OR51B5: variants seen among roughly 807,000 people sequenced by gnomAD.
OR51B5 encodes olfactory receptor 51B5.
For synonymous variants in OR51B5, 186 were observed against 144.8 expected (o/e 1.28, Z -2.04); for missense variants, 456 against 374.6 (o/e 1.22, Z -1.79).
intron 1 of OR51B5, among the ~76,000 whole-genome samples, chr11:5,426,771 T>C (rs964451894): frequency 6.6e-6 from 1 of 152,132 alleles, no homozygotes; most frequent in African/African-American, 2.4e-5. Context: ...CCCTTTCTTA[T>C]CTGAAGTTCC....
intron 1 of OR51B5, among the ~76,000 whole-genome samples, chr11:5,475,925 C>T (rs1851299118): frequency 6.6e-6 from 1 of 152,158 alleles, no homozygotes; most frequent in African/African-American, 2.4e-5. Flanking sequence ...TATCTAGATC[C>T]ATAGCAGCCT....
chr11:5,342,106 G>A (rs548841904), downstream of OR51B5, among the ~76,000 whole-genome samples: 32 of 152,202 alleles, frequency 2.1e-4, no homozygotes, highest in South Asian at 4.2e-4. Context: ...AAAATTCCTG[G>A]ACTTCAGTGA....
intron 1 of OR51B5, chr11:5,441,049 T>G (rs1296966788): frequency 1.2e-6 from 2 of 1,613,896 alleles, no homozygotes; most frequent in Admixed American, 3.3e-5. Context: ...AAGAGAGTGG[T>G]GAAACTCTTG....
chr11:5,413,782 G>C (rs1468982790), intron 1 of OR51B5, among the ~76,000 whole-genome samples: 1 of 151,926 alleles, frequency 6.6e-6, no homozygotes, highest in Non-Finnish European at 1.5e-5. Context: ...ATGGGACTAT[G>C]TGAAAAGACC....
intron 1 of OR51B5, among the ~76,000 whole-genome samples, chr11:5,373,594 A>G (rs528502285): frequency 8.5e-4 from 129 of 152,278 alleles, no homozygotes; most frequent in Non-Finnish European, 1.6e-3. Context: ...GGGGTGACAT[A>G]CGGCACCTGG....
intron 1 of OR51B5, chr11:5,505,245 A>T: frequency 8.7e-7 from 1 of 1,146,610 alleles, no homozygotes; most frequent in South Asian, 1.5e-5. Flanking sequence ...TAACATTGCT[A>T]TTAGGTTTTT....
rs891992593 is a variant in OR51B5, at chr11:5,505,427, T to C, written n.84+142A>G. On this transcript the variant is annotated intron_variant and non_coding_transcript_variant, in intron 1 of 4. Coordinates refer to the OR51B5 transcript ENST00000415970. ...AGCACCACCATAAACAATAGGTTTT[T>C]CTTTAATCTGGACAAAAACTATCCC... 3.1e-6 allele frequency: 4 copies of C among 1,304,026 alleles called. No individual in the cohort carries two copies. In the African/African-American group the frequency reaches 4.6e-5, roughly 15 times the overall value. 80.8% of individuals were successfully genotyped at this position (1,304,026 alleles called of 1,614,324 possible). A position where few individuals can be genotyped will look rare whatever the true frequency, so the allele number is the denominator to read the frequency against.
chr11:5,447,715 A>ATCTACAAATATGGGGCATT (rs1385713978), intron 1 of OR51B5, among the ~76,000 whole-genome samples: 1 of 152,082 alleles, frequency 6.6e-6, no homozygotes, highest in Non-Finnish European at 1.5e-5. Flanking sequence ...GGGCAGGAAG[A>ATCTACAAATATGGGGCATT]AGGAACTTGT....
chr11:5,455,747 A>G (rs988354568), intron 1 of OR51B5: 5 of 152,172 alleles, frequency 3.3e-5, no homozygotes, highest in Non-Finnish European at 7.4e-5. Flanking sequence ...GGAAATACCA[A>G]CAAGAGAGAG....
At position 5,438,224 on chromosome 11, in the gene OR51B5, T is replaced by C. The variant is rs150915691; in HGVS notation, n.84+67345A>G. Among the ~76,000 whole-genome samples, 378 of 152,216 alleles carry C rather than the reference T, an allele frequency of 2.5e-3. 1 individual carries two copies. The highest frequency in any genetic ancestry group is 4.5e-3 in the Non-Finnish European group (309 of 67,998). On this transcript the variant is annotated intron_variant and non_coding_transcript_variant, in intron 1 of 4. Transcript: ENST00000415970. ...TCATGATGTAAAATGACTCTAGCTA[T>C]GTTATTAGAGGCAGCATGAAGGGGA...
At chr11:5,483,462 C>T (rs1851455403) in intron 1 of OR51B5, among the ~76,000 whole-genome samples, 1 of 140,484 alleles carries the variant, frequency 7.1e-6, no homozygotes, top group Non-Finnish European at 1.5e-5. Flanking sequence ...ACATGTGTAA[C>T]TAACCTGCAC....
chr11:5,495,515 G>A (rs766479307), intron 1 of OR51B5, among the ~76,000 whole-genome samples: 10 of 152,146 alleles, frequency 6.6e-5, no homozygotes, highest in Non-Finnish European at 2.9e-5. Context: ...TTTAACTTAG[G>A]TTATCAGCTT....
At chr11:5,450,222 C>G (rs754699035) in intron 1 of OR51B5, among the ~76,000 whole-genome samples, 3 of 151,702 alleles carry the variant, frequency 2.0e-5, no homozygotes, top group Non-Finnish European at 4.4e-5. Flanking sequence ...AACCCTGTCT[C>G]TATTAAAAAT....
upstream of OR51B5, among the ~76,000 whole-genome samples, chr11:5,348,068 T>C (rs573119089): frequency 1.3e-5 from 2 of 149,250 alleles, no homozygotes; most frequent in East Asian, 3.9e-4. Flanking sequence ...AACAGAGAGA[T>C]CGAAGCTGAT....
intron 1 of OR51B5, among the ~76,000 whole-genome samples, chr11:5,500,512 A>G (rs1324046682): frequency 1.5e-5 from 2 of 133,598 alleles, no homozygotes; most frequent in African/African-American, 5.0e-5. Flanking sequence ...TGGGACCTTC[A>G]TAAAAGGAGG....
At chr11:5,351,995 G>T (rs1187337780) in intron 1 of OR51B5, 1 of 1,613,406 alleles carries the variant, frequency 6.2e-7, no homozygotes, top group African/African-American at 1.3e-5. Context: ...CGCCTACACT[G>T]GTTTCCCTAC....
At chr11:5,446,308 A>T (rs913009423) in intron 1 of OR51B5, among the ~76,000 whole-genome samples, 2 of 152,160 alleles carry the variant, frequency 1.3e-5, no homozygotes, top group African/African-American at 4.8e-5. Context: ...GTAACCCAAA[A>T]AAAAAAGAAA....
At chr11:5,454,187 AC>A in intron 1 of OR51B5, 1 of 1,605,782 alleles carries the variant, frequency 6.2e-7, no homozygotes, top group South Asian at 1.1e-5. Context: ...CCCGTGAGGA[AC>A]GCCTCAAAGC....
intron 1 of OR51B5, chr11:5,403,427 G>T (rs755700785): frequency 1.1e-5 from 5 of 471,378 alleles, no homozygotes; most frequent in South Asian, 3.1e-5. Context: ...TGCAAGCCAT[G>T]ATGGCCAATG....
Sources: allele counts gnomAD v4.1 joint callset (sites outside exome capture counted in the v4.1 genomes callset), GRCh38; gene constraint gnomAD v4.1.1; transcripts MANE v1.5; gene names NCBI Gene and HGNC (gene_info 2026-07-23, HGNC 2026-07-21).